The following BNC2 variants were observed in gnomAD, a reference collection of about 807,000 sequenced individuals.
The protein encoded by BNC2 is zinc finger protein basonuclin-2.
BNC2 carries 20 observed loss-of-function variants against 76.3 expected under a neutral mutation model. That is an observed-to-expected ratio of 0.26 (90% confidence interval 0.18 to 0.38). BNC2 has a LOEUF of 0.38. BNC2 is among the 10% of genes least tolerant of loss of function. The pLI is 1.00. For missense variants in BNC2, 1,382 were observed against 1,399.8 expected, an observed-to-expected ratio of 0.99 and a Z score of 0.20; for synonymous variants, 582 against 514.8, an observed-to-expected ratio of 1.13 and a Z score of -1.77.
intron 3 of BNC2, among the ~76,000 whole-genome samples, chr9:16,715,727 A>T (rs1483439398): frequency 6.6e-6 from 1 of 152,080 alleles, no homozygotes; most frequent in Non-Finnish European, 1.5e-5. Flanking sequence ...TTGAGACATG[A>T]GCTTTCTGGT....
intron 3 of BNC2, chr9:16,699,264 C>A (rs914162193): frequency 1.3e-5 from 6 of 466,392 alleles, no homozygotes; most frequent in Non-Finnish European, 2.2e-5. Context: ...CTTATAGAAG[C>A]ATGCATGGGT....
chr9:16,621,642 T>C (rs1049468078), intron 3 of BNC2, among the ~76,000 whole-genome samples: 3 of 152,096 alleles, frequency 2.0e-5, no homozygotes, highest in Non-Finnish European at 4.4e-5. Flanking sequence ...TAAAAGCTAC[T>C]ACACTGCTGT....
chr9:16,459,253 C>T (rs1887619), intron 5 of BNC2, among the ~76,000 whole-genome samples: 45,339 of 151,962 alleles, frequency 0.3, 6,903 homozygotes, highest in Admixed American at 0.38. Flanking sequence ...CCTTCCTGCA[C>T]CTCTACAAAA....
intron 3 of BNC2, among the ~76,000 whole-genome samples, chr9:16,690,740 G>A (rs79117818): frequency 0.012 from 1,787 of 152,272 alleles, 38 homozygotes; most frequent in African/African-American, 0.04. Flanking sequence ...AGTCATCTCA[G>A]AGCAATGAAC....
chr9:16,588,442 C>A (rs1819832456), intron 3 of BNC2, among the ~76,000 whole-genome samples: 1 of 151,990 alleles, frequency 6.6e-6, no homozygotes, highest in Non-Finnish European at 1.5e-5. Context: ...TTCTGTTTTA[C>A]TATTATGGTT....
At position 16,419,566 on chromosome 9, in the gene BNC2, A is replaced by C. The variant is rs148292840; in HGVS notation, c.2723T>G (p.Leu908Arg). 2.4e-5 allele frequency: 39 copies of C among 1,609,330 alleles called. No homozygotes were observed. Among genetic ancestry groups the C allele is most frequent in the Non-Finnish European group, 2.5e-6 (3 of 1,177,762 alleles). ...AAATTCATCGCGGAGGTCCTTGCTAAGGGAGGGCTGCGACGAGTCCAGGCC... is the reference window on the plus strand; with the variant it reads ...AAATTCATCGCGGAGGTCCTTGCTACGGGAGGGCTGCGACGAGTCCAGGCC... ...DMGLDSSQPS[L>R]SKDLRDEFLV... The change falls in exon 7 of 7, where the codon CTT becomes CGT. Residue 908 changes from leucine (L) to arginine (R), a missense_variant. Around this residue, in one of 3 missense-constraint regions of BNC2, gnomAD observed 798 missense variants for 775.5 expected, o/e 1.03. Coordinates refer to ENST00000380672, the MANE Select transcript of BNC2 (RefSeq NM_017637.6).
intron 3 of BNC2, among the ~76,000 whole-genome samples, chr9:16,699,604 C>A (rs987250040): frequency 1.3e-5 from 2 of 152,208 alleles, no homozygotes; most frequent in African/African-American, 4.8e-5. Context: ...CAAGTGCAAA[C>A]TGCATAAGAC....
At chr9:16,838,073 C>T (rs1262273426) in intron 1 of BNC2, among the ~76,000 whole-genome samples, 1 of 152,206 alleles carries the variant, frequency 6.6e-6, no homozygotes, top group East Asian at 1.9e-4. Flanking sequence ...CCCTTTGGAG[C>T]TATGCAAGTC....
chr9:16,431,250 C>A (rs1014679777), intron 6 of BNC2, among the ~76,000 whole-genome samples: 3 of 152,124 alleles, frequency 2.0e-5, no homozygotes, highest in African/African-American at 7.2e-5. Flanking sequence ...GGAAACAGAA[C>A]AGAGGGTATT....
rs141867752 is a variant in BNC2 at position 16,818,939 on chromosome 9, A to G, written c.3+51707T>C. Among the ~76,000 whole-genome samples, 770 of 152,296 alleles carry G rather than the reference A, an allele frequency of 5.1e-3. 6 individuals are homozygous for G. Among genetic ancestry groups the G allele is most frequent in the African/African-American group, 0.017 (725 of 41,560 alleles). ...CTTCCATTTCTTACATCCTATCTTA[A>G]CAATATACTCTGGCTTCACTGGACC... On this transcript the variant is annotated intron_variant, in intron 1 of 6. Transcript: ENST00000380672.
At chr9:16,800,918 G>A (rs1215556923) in intron 1 of BNC2, among the ~76,000 whole-genome samples, 4 of 152,204 alleles carry the variant, frequency 2.6e-5, no homozygotes, top group East Asian at 1.9e-4. Flanking sequence ...AGGCAACTAC[G>A]TGTTTTAGAA....
intron 3 of BNC2, among the ~76,000 whole-genome samples, chr9:16,708,090 A>T (rs1823730622): frequency 6.6e-6 from 1 of 152,208 alleles, no homozygotes; most frequent in African/African-American, 2.4e-5. Flanking sequence ...ACAATACAGA[A>T]CCTGCTGAAG....
At chr9:16,844,888 T>G (rs981890238) in intron 1 of BNC2, among the ~76,000 whole-genome samples, 1 of 152,200 alleles carries the variant, frequency 6.6e-6, no homozygotes, top group African/African-American at 2.4e-5. Context: ...TGTATGTAAA[T>G]TGTTCTGCAA....
At chr9:16,699,332 T>C (rs1206755287) in intron 3 of BNC2, 5 of 354,410 alleles carry the variant, frequency 1.4e-5, no homozygotes, top group South Asian at 4.6e-5. Context: ...ATTAATTCAA[T>C]CAGTGCCTTG....
chr9:16,438,234 G>C (rs945899960), intron 5 of BNC2, among the ~76,000 whole-genome samples: 2 of 152,038 alleles, frequency 1.3e-5, no homozygotes, highest in Non-Finnish European at 2.9e-5. Flanking sequence ...GTAATCCTAT[G>C]ATTCAAAGTT....
At chr9:16,835,801 T>C (rs1218246363) in intron 1 of BNC2, among the ~76,000 whole-genome samples, 1 of 152,200 alleles carries the variant, frequency 6.6e-6, no homozygotes, top group Non-Finnish European at 1.5e-5. Flanking sequence ...GAGGTTTAAC[T>C]CTCTTGCCAA....
At chr9:16,864,453 C>T (rs1819489938) in intron 1 of BNC2, among the ~76,000 whole-genome samples, 1 of 152,156 alleles carries the variant, frequency 6.6e-6, no homozygotes, top group Non-Finnish European at 1.5e-5. Context: ...CAATTTTCCC[C>T]TCAAATGAAG....
chr9:16,506,201 A>C (rs749261194), intron 5 of BNC2, among the ~76,000 whole-genome samples: 1 of 152,216 alleles, frequency 6.6e-6, no homozygotes, highest in Non-Finnish European at 1.5e-5. Flanking sequence ...GAGTTCCACA[A>C]ACTTTTTACA....
intron 5 of BNC2, among the ~76,000 whole-genome samples, chr9:16,514,623 T>C (rs1005750846): frequency 6.6e-6 from 1 of 152,244 alleles, no homozygotes; most frequent in Non-Finnish European, 1.5e-5. Context: ...ATGTTTACAG[T>C]TGACATGCAA....
Sources: allele counts gnomAD v4.1 joint callset (sites outside exome capture counted in the v4.1 genomes callset), GRCh38; gene constraint gnomAD v4.1.1; regional missense constraint gnomAD v4.1.1; transcripts MANE v1.5; gene names NCBI Gene and HGNC (gene_info 2026-07-23, HGNC 2026-07-21).